Variants in HFM1 observed in about 807,000 individuals in gnomAD.
HFM1 encodes the protein probable ATP-dependent DNA helicase HFM1.
Under a neutral mutation model 192.1 loss-of-function variants are expected in HFM1, and 169 were observed. The ratio of observed to expected loss-of-function variants is 0.88; its 90% confidence interval spans 0.78 to 1.00. HFM1 has a LOEUF of 1.00. Among genes scored for constraint, HFM1 ranks in the 50% least tolerant of loss-of-function variants. The probability of loss-of-function intolerance (pLI) is 0.00; values close to 1 mark genes in which losing one functional copy is unlikely to be tolerated. For synonymous variants in HFM1, 525 were observed against 537.8 expected (o/e 0.98, Z 0.33); for missense variants, 1,661 against 1,668.0 (o/e 1.00, Z 0.07).
chr1:91,400,770 C>T (rs1412527928), intron 2 of HFM1, among the ~76,000 whole-genome samples: 1 of 152,190 alleles, frequency 6.6e-6, no homozygotes, highest in Non-Finnish European at 1.5e-5. Context: ...AGGCGTGAGC[C>T]ACTGCGCCTG....
chr1:91,341,385 A>C (rs1655309556), intron 20 of HFM1, among the ~76,000 whole-genome samples: 1 of 152,216 alleles, frequency 6.6e-6, no homozygotes, highest in African/African-American at 2.4e-5. Context: ...TTTGTAACTG[A>C]TGAAAACAAA....
intron 20 of HFM1, among the ~76,000 whole-genome samples, chr1:91,343,136 C>A (rs1450741721): frequency 7.1e-6 from 1 of 140,428 alleles, no homozygotes; most frequent in Non-Finnish European, 1.5e-5. Flanking sequence ...GAGGCTGAGG[C>A]AGGAGAATGG....
chr1:91,292,717 G>A (rs1317868988), intron 30 of HFM1, among the ~76,000 whole-genome samples: 2 of 152,076 alleles, frequency 1.3e-5, no homozygotes, highest in East Asian at 3.9e-4. Flanking sequence ...AAGTTCATAT[G>A]GAACAAAAAA....
intron 23 of HFM1, among the ~76,000 whole-genome samples, chr1:91,320,048 G>A (rs1651853753): frequency 6.6e-6 from 1 of 152,058 alleles, no homozygotes; most frequent in Non-Finnish European, 1.5e-5. Flanking sequence ...TACCTGTTTT[G>A]CCCATAAACT....
chr1:91,262,679 A>G (rs1227005778), intron 36 of HFM1, 87 bp from the exon 37 acceptor site: 1 of 745,928 alleles, frequency 1.3e-6, no homozygotes, highest in East Asian at 2.8e-5. Context: ...GGGGAATATG[A>G]TCAAAGTTTA....
At chr1:91,393,557 C>G (rs768663559) in intron 4 of HFM1, among the ~76,000 whole-genome samples, 1 of 152,092 alleles carries the variant, frequency 6.6e-6, no homozygotes, top group Non-Finnish European at 1.5e-5. Flanking sequence ...TCACTTAAGT[C>G]CTGTGGGATT....
intron 18 of HFM1, among the ~76,000 whole-genome samples, chr1:91,348,855 T>C (rs1656522621): frequency 6.6e-6 from 1 of 151,860 alleles, no homozygotes; most frequent in Non-Finnish European, 1.5e-5. Context: ...GCCCAGAAGG[T>C]TGAAGCTGCA....
intron 13 of HFM1, among the ~76,000 whole-genome samples, chr1:91,368,422 AAG>A (rs897076267): frequency 7.2e-5 from 11 of 152,226 alleles, no homozygotes; most frequent in East Asian, 5.8e-4. Context: ...TACAAACCAG[AAG>A]AGAGTGGGGG....
In HFM1 at chr1:91,380,190, G is replaced by A; in HGVS notation, c.920C>T (p.Ser307Phe). ...TAGTTCAAACACTACAGTTTTTCCA[G>A]AACCAGTTGGAGCACAAATCACAAA... ...RNFVICAPTG[S>F]GKTVVFELAI... The change falls in exon 8 of 39, where the codon TCT (serine) becomes TTT (phenylalanine). Residue 307 changes from serine to phenylalanine, a missense_variant. Coordinates refer to ENST00000370425, the MANE Select transcript of HFM1 (RefSeq NM_001017975.6). The A allele has an allele frequency of 1.3e-6, 2 of 1,575,842 alleles. No homozygotes were observed. Among genetic ancestry groups the A allele is most frequent in the Non-Finnish European group, 1.7e-6 (2 of 1,154,782 alleles).
At chr1:91,373,758 G>A (rs1169973035) in intron 13 of HFM1, among the ~76,000 whole-genome samples, 1 of 151,930 alleles carries the variant, frequency 6.6e-6, no homozygotes, top group Non-Finnish European at 1.5e-5. Context: ...CAGATGTGGT[G>A]CCATGTTTCT....
intron 4 of HFM1, among the ~76,000 whole-genome samples, chr1:91,388,459 G>A (rs918275329): frequency 1.3e-5 from 2 of 152,180 alleles, no homozygotes; most frequent in Admixed American, 6.5e-5. Context: ...TACATTTATG[G>A]TCAGTTGATT....
intron 4 of HFM1, among the ~76,000 whole-genome samples, chr1:91,390,045 T>C (rs538422091): frequency 2.4e-4 from 36 of 152,234 alleles, no homozygotes; most frequent in Admixed American, 1.2e-3. Context: ...TTATTCACAA[T>C]AGACAAAAAG....
chr1:91,399,458 A>T (rs1664049613), intron 2 of HFM1, among the ~76,000 whole-genome samples: 1 of 152,202 alleles, frequency 6.6e-6, no homozygotes, highest in Admixed American at 6.5e-5. Flanking sequence ...ATTTAATTCA[A>T]TGGCTTTTAA....
chr1:91,352,709 AT>A, intron 15 of HFM1, 58 bp from the exon 16 acceptor site: 8 of 1,285,712 alleles, frequency 6.2e-6, no homozygotes, highest in South Asian at 5.4e-5. Flanking sequence ...CTTCAGGAAC[AT>A]TTTTTAATAA....
chr1:91,291,314 T>C (rs6678319), intron 30 of HFM1, among the ~76,000 whole-genome samples: 45,512 of 151,488 alleles, frequency 0.3, 7,091 homozygotes, highest in Non-Finnish European at 0.35. Flanking sequence ...GCAAGACTAA[T>C]AAAGAAGAAA....
At chr1:91,352,974 C>T (rs1041375274) in intron 15 of HFM1, 77 bp downstream of exon 15, 54 of 890,578 alleles carry the variant, frequency 6.1e-5, no homozygotes, top group Non-Finnish European at 7.6e-5. Context: ...AGAACACTTG[C>T]GCTTTTTCCT....
chr1:91,350,633 T>C, intron 18 of HFM1, 105 bp downstream of exon 18: 2 of 1,005,416 alleles, frequency 2.0e-6, no homozygotes, highest in East Asian at 2.6e-5. Flanking sequence ...TTTTGTTTTG[T>C]TACCTATTAG....
chr1:91,357,339 A>G lies in HFM1; in HGVS notation c.1686-4040T>C, dbSNP rs1390981293. On this transcript the variant is annotated intron_variant, in intron 13 of 38. Coordinates refer to ENST00000370425, the MANE Select transcript of HFM1 (RefSeq NM_001017975.6). ...GTGATATATCACATTAACAGAATGA[A>G]AGATAAAAAACACAAGACCATCTCA... Among the ~76,000 whole-genome samples, 3 of 152,378 alleles carry G rather than the reference A, an allele frequency of 2.0e-5. No homozygotes were observed. The East Asian group carries it at 5.8e-4, about 29-fold the overall frequency.
At chr1:91,374,792 G>A (rs1460002106) in intron 13 of HFM1, among the ~76,000 whole-genome samples, 1 of 152,110 alleles carries the variant, frequency 6.6e-6, no homozygotes, top group Admixed American at 6.6e-5. Context: ...CTGGGCCGAA[G>A]GCATAAATGT....
Sources: allele counts gnomAD v4.1 joint callset (sites outside exome capture counted in the v4.1 genomes callset), GRCh38; gene constraint gnomAD v4.1.1; transcripts MANE v1.5; gene names NCBI Gene and HGNC (gene_info 2026-07-23, HGNC 2026-07-21).